Variants in DNAH12 observed in about 807,000 individuals in gnomAD.
DNAH12 encodes the protein axonemal beta dynein heavy chain 12.
In DNAH12, 285 loss-of-function variants were observed where a neutral mutation model predicts 371.5. The observed-to-expected ratio is 0.77, with a 90% CI of 0.70 to 0.85. DNAH12 has a LOEUF of 0.85. Among genes scored for constraint, DNAH12 ranks in the 40% least tolerant of loss-of-function variants. The pLI is 0.00. For synonymous variants in DNAH12, 1,200 were observed against 1,213.0 expected, an observed-to-expected ratio of 0.99 and a Z score of 0.22; for missense variants, 3,611 against 3,689.4, an observed-to-expected ratio of 0.98 and a Z score of 0.55.
chr3:57,301,986 A>G (rs1216432404), intron 69 of DNAH12, 47 bp from the exon 70 acceptor site: 5 of 1,519,642 alleles, frequency 3.3e-6, no homozygotes, highest in East Asian at 2.5e-5. Flanking sequence ...TGATATCAAC[A>G]TACGGTCTTT....
At chr3:57,546,335 G>C (rs1301857859), upstream of DNAH12, among the ~76,000 whole-genome samples, 1 of 151,954 alleles carries the variant, frequency 6.6e-6, no homozygotes, top group Non-Finnish European at 1.5e-5. Context: ...CTTGGAGGTG[G>C]GACAAATAAC....
At chr3:57,458,261 A>T in intron 20 of DNAH12, 41 bp from the exon 21 acceptor site, 1 of 1,510,032 alleles carries the variant, frequency 6.6e-7, no homozygotes, top group Non-Finnish European at 8.8e-7. Context: ...CTTTTATGCC[A>T]GATATAATTA....
intron 62 of DNAH12, among the ~76,000 whole-genome samples, chr3:57,330,581 G>A (rs1365130010): frequency 4.7e-4 from 60 of 126,782 alleles, no homozygotes; most frequent in African/African-American, 1.7e-3. Context: ...GGGGAGGGGG[G>A]AAGGATAGCA....
At chr3:57,393,310 T>C (rs928187009) in intron 44 of DNAH12, among the ~76,000 whole-genome samples, 111 of 152,060 alleles carry the variant, frequency 7.3e-4, no homozygotes, top group Non-Finnish European at 1.4e-3. Flanking sequence ...TGAGAAAGTG[T>C]GACATTACTT....
At chr3:57,508,766 A>C (rs2067872417) in intron 6 of DNAH12, among the ~76,000 whole-genome samples, 1 of 152,230 alleles carries the variant, frequency 6.6e-6, no homozygotes, top group Admixed American at 6.5e-5. Flanking sequence ...TTTGTGAGTA[A>C]GGCAGAGTGA....
At chr3:57,541,071 G>A (rs1291858032) in intron 2 of DNAH12, among the ~76,000 whole-genome samples, 2 of 150,238 alleles carry the variant, frequency 1.3e-5, no homozygotes, top group East Asian at 2.0e-4. Flanking sequence ...ATGGAGTCTC[G>A]TTTTGTCACC....
rs1212030049 is a variant in DNAH12, at chr3:57,436,197, C to CAT, written c.4655+752_4655+753dup. On this transcript the variant is annotated intron_variant, in intron 30 of 73. Coordinates refer to ENST00000495027, the MANE Select transcript of DNAH12 (RefSeq NM_001366028.2). ...AAATATAAATATATATACACACACA[C>CAT]ATAACTTACTTATATAACATATATA... Among the ~76,000 whole-genome samples the CAT allele has an allele frequency of 6.6e-5, 10 of 152,150 alleles. No homozygotes were observed. The South Asian group carries it at 1.0e-3, about 16-fold the overall frequency.
At chr3:57,491,434 G>T (rs902586838) in intron 11 of DNAH12, among the ~76,000 whole-genome samples, 1 of 151,836 alleles carries the variant, frequency 6.6e-6, no homozygotes, top group Admixed American at 6.6e-5. Context: ...ATTACCTATC[G>T]GTCTATACAT....
At chr3:57,355,209 T>G (rs2062770635) in intron 59 of DNAH12, among the ~76,000 whole-genome samples, 1 of 152,146 alleles carries the variant, frequency 6.6e-6, no homozygotes, top group African/African-American at 2.4e-5. Flanking sequence ...AATTTGATTT[T>G]TAAAAAGTAA....
intron 40 of DNAH12, among the ~76,000 whole-genome samples, chr3:57,406,938 C>T (rs1277072658): frequency 3.3e-5 from 5 of 151,906 alleles, no homozygotes; most frequent in South Asian, 2.1e-4. Context: ...CTCATTCTGT[C>T]GCCCCGCTGG....
At chr3:57,364,551 T>C (rs1353901400) in intron 57 of DNAH12, among the ~76,000 whole-genome samples, 1 of 152,142 alleles carries the variant, frequency 6.6e-6, no homozygotes, top group Non-Finnish European at 1.5e-5. Flanking sequence ...ATCCTTATTA[T>C]AGGCACAGGC....
At chr3:57,434,318 A>G (rs1227151358) in intron 30 of DNAH12, among the ~76,000 whole-genome samples, 1 of 152,172 alleles carries the variant, frequency 6.6e-6, no homozygotes, top group Non-Finnish European at 1.5e-5. Context: ...AAGCAGGGAT[A>G]GGTAATTGCC....
At chr3:57,534,099 C>T (rs372531282) in intron 2 of DNAH12, among the ~76,000 whole-genome samples, 1 of 152,302 alleles carries the variant, frequency 6.6e-6, no homozygotes, top group East Asian at 1.9e-4. Context: ...TGTGGGCAGG[C>T]ATCACCTGAG....
At chr3:57,338,165 G>T (rs369206387) in intron 60 of DNAH12, among the ~76,000 whole-genome samples, 2 of 152,092 alleles carry the variant, frequency 1.3e-5, no homozygotes, top group Admixed American at 6.5e-5. Context: ...GGCACGCGAC[G>T]CCATGCCTGA....
At chr3:57,478,070 C>T (rs190112522) in intron 13 of DNAH12, among the ~76,000 whole-genome samples, 208 of 152,230 alleles carry the variant, frequency 1.4e-3, no homozygotes, top group African/African-American at 4.0e-3. Context: ...CAAAGCTGGA[C>T]GGAGAATGAC....
chr3:57,296,559 A>G (rs972841929), intron 71 of DNAH12, 124 bp from the exon 72 acceptor site: 58 of 812,762 alleles, frequency 7.1e-5, no homozygotes, highest in East Asian at 4.3e-4. Context: ...TTGTTAAACT[A>G]TACATTTTTT....
intron 60 of DNAH12, among the ~76,000 whole-genome samples, chr3:57,346,381 G>A (rs1169743423): frequency 6.6e-6 from 1 of 152,006 alleles, no homozygotes; most frequent in African/African-American, 2.4e-5. Context: ...GACTTAGATA[G>A]ATTAGTTGTA....
Position 57,334,900 on chromosome 3 carries a change from A to C in DNAH12, c.9715T>G (p.Leu3239Val). ...EIEYQELMFL[L>V]TGGVSLKSAE... ...CTTTTAAGACTTACTCCTCCAGTTA[A>C]AAGAAACATCAGTTCCTGGTATTCA... is the stretch of plus-strand genomic sequence containing the variant. The change falls in exon 61 of 74, where the codon TTA (leucine) becomes GTA (valine). Residue 3239 changes from leucine (L) to valine (V), a missense_variant. Physicochemically the swap from Leu to Val is conservative, Grantham distance 32 (BLOSUM62 1). Coordinates refer to ENST00000495027, the MANE Select transcript of DNAH12 (RefSeq NM_001366028.2). 1 of 1,551,616 alleles carries C rather than the reference A, an allele frequency of 6.4e-7. No individual in the cohort carries two copies. The highest frequency in any genetic ancestry group is 1.2e-5 in the South Asian group (1 of 83,988).
intron 40 of DNAH12, among the ~76,000 whole-genome samples, chr3:57,408,044 A>C (rs949917578): frequency 4.6e-5 from 7 of 152,198 alleles, no homozygotes; most frequent in Admixed American, 4.6e-4. Flanking sequence ...CATTAAAAAA[A>C]CAGCCTCTGG....
Sources: allele counts gnomAD v4.1 joint callset (sites outside exome capture counted in the v4.1 genomes callset), GRCh38; gene constraint gnomAD v4.1.1; transcripts MANE v1.5; gene names NCBI Gene and HGNC (gene_info 2026-07-23, HGNC 2026-07-21).